GRIK1: variants seen among roughly 807,000 people sequenced by gnomAD.
GRIK1 encodes glutamate receptor ionotropic, kainate 1.
GRIK1 carries 69 observed loss-of-function variants against 105.7 expected under a neutral mutation model. The observed-to-expected ratio is 0.65, with a 90% CI of 0.54 to 0.80. GRIK1 has a LOEUF of 0.80. Ranked by LOEUF, GRIK1 falls within the 30% of genes least tolerant of loss-of-function variation. GRIK1 has a pLI of 0.00. For missense variants in GRIK1, 1,109 were observed against 1,167.3 expected, an observed-to-expected ratio of 0.95 and a Z score of 0.73; for synonymous variants, 438 against 431.3, an observed-to-expected ratio of 1.02 and a Z score of -0.19.
At chr21:29,833,745 T>C (rs1396335949) in intron 1 of GRIK1, among the ~76,000 whole-genome samples, 1 of 151,930 alleles carries the variant, frequency 6.6e-6, no homozygotes, top group Admixed American at 6.6e-5. Context: ...CCAAACCATA[T>C]CACCCCCTAC....
At chr21:29,830,232 T>C (rs1285301977) in intron 1 of GRIK1, among the ~76,000 whole-genome samples, 2 of 152,064 alleles carry the variant, frequency 1.3e-5, no homozygotes, top group African/African-American at 2.4e-5. Context: ...AGTGTCTGTG[T>C]GTCTGTGTGT....
intron 1 of GRIK1, among the ~76,000 whole-genome samples, chr21:29,791,520 T>C (rs2066417082): frequency 6.6e-6 from 1 of 151,472 alleles, no homozygotes; most frequent in Non-Finnish European, 1.5e-5. Context: ...GGGGGGGGAA[T>C]TTAAATAGTA....
intron 5 of GRIK1, 145 bp downstream of exon 5, chr21:29,654,665 A>G (rs1456710239): frequency 8.2e-6 from 5 of 606,638 alleles, no homozygotes; most frequent in African/African-American, 1.8e-5. Context: ...GCTGCTCAGC[A>G]TTGCTGGATT....
chr21:29,889,593 C>A (rs1037630969), intron 1 of GRIK1, among the ~76,000 whole-genome samples: 8 of 151,868 alleles, frequency 5.3e-5, no homozygotes, highest in African/African-American at 1.7e-4. Flanking sequence ...TGACATTGCA[C>A]CCTATAAATC....
In GRIK1 at chr21:29,717,684, G is replaced by T. The variant is rs1240734885; in HGVS notation, c.119-23621C>A. Reference sequence around the variant, plus strand: ...AACTAACTTGCTTTTGATTTCACAGGCTCATAGTTGGAAGGGACTTGCCTT... The same window carrying T: ...AACTAACTTGCTTTTGATTTCACAGTCTCATAGTTGGAAGGGACTTGCCTT... On this transcript the variant is annotated intron_variant, in intron 1 of 17. Transcript: ENST00000327783. Among the ~76,000 whole-genome samples the T allele has an allele frequency of 2.0e-5, 3 of 152,204 alleles. No homozygotes were observed. In the East Asian group the frequency reaches 5.8e-4, roughly 29 times the overall value.
At chr21:29,871,613 T>C (rs2146137032) in intron 1 of GRIK1, among the ~76,000 whole-genome samples, 1 of 152,150 alleles carries the variant, frequency 6.6e-6, no homozygotes, top group East Asian at 1.9e-4. Context: ...TCTGGTGATT[T>C]AAGGCAATGT....
chr21:29,840,836 C>A (rs930053211), intron 1 of GRIK1, among the ~76,000 whole-genome samples: 23 of 152,050 alleles, frequency 1.5e-4, no homozygotes, highest in African/African-American at 4.8e-4. Flanking sequence ...AGCAACCAAA[C>A]CCACCTACCT....
intron 1 of GRIK1, among the ~76,000 whole-genome samples, chr21:29,934,475 T>C (rs1319117538): frequency 1.3e-5 from 2 of 152,162 alleles, no homozygotes; most frequent in East Asian, 3.9e-4. Flanking sequence ...CACTGGAGTT[T>C]TCAAGTTCAT....
chr21:29,662,444 C>T (rs1159012753), intron 4 of GRIK1, among the ~76,000 whole-genome samples: 5 of 152,026 alleles, frequency 3.3e-5, no homozygotes, highest in Admixed American at 3.3e-4. Flanking sequence ...AGAGAGAATA[C>T]GGAGGAAACA....
rs138957237 is a variant in GRIK1 at position 29,917,922 on chromosome 21, A to G, written c.118+21461T>C. Among the ~76,000 whole-genome samples, 4 of 152,182 alleles carry G rather than the reference A, an allele frequency of 2.6e-5. No homozygotes were observed. The East Asian group carries it at 7.7e-4, about 29-fold the overall frequency. ...TAATTTCTGTTAAAAAATAAAATATATGATTTCTTTAAAACACACACACTT... is the reference window on the plus strand; with the variant it reads ...TAATTTCTGTTAAAAAATAAAATATGTGATTTCTTTAAAACACACACACTT... On this transcript the variant is annotated intron_variant, in intron 1 of 17. Transcript: ENST00000327783.
In GRIK1 at chr21:29,581,693, A is replaced by G; in HGVS notation, c.1794-150T>C. On this transcript the variant is annotated intron_variant, in intron 12 of 17. Coordinates refer to ENST00000327783, the MANE Select transcript of GRIK1 (RefSeq NM_001330994.2). The stretch of plus-strand genomic sequence containing the variant: ...GTAAAGGCCATAGTCATAAACTTAC[A>G]GCTTTGGTGGGCAAAGTGCAAAGAG... The G allele has an allele frequency of 1.9e-5, 11 of 575,592 alleles. No homozygotes were observed. In the South Asian group the frequency reaches 2.4e-4, roughly 12 times the overall value. 35.7% of individuals were successfully genotyped at this position (575,592 alleles called of 1,614,324 possible).
chr21:29,867,389 G>A (rs1190277440), intron 1 of GRIK1, among the ~76,000 whole-genome samples: 1 of 152,104 alleles, frequency 6.6e-6, no homozygotes, highest in Non-Finnish European at 1.5e-5. Context: ...GGCAGAAAAG[G>A]GATAGGAGGG....
At chr21:29,804,565 G>A (rs1395429387) in intron 1 of GRIK1, among the ~76,000 whole-genome samples, 3 of 152,144 alleles carry the variant, frequency 2.0e-5, no homozygotes, top group Non-Finnish European at 4.4e-5. Context: ...GTAATATCAG[G>A]ATGTTGAGGC....
intron 1 of GRIK1, among the ~76,000 whole-genome samples, chr21:29,791,509 T>TGGGG (rs554227421): frequency 2.0e-5 from 3 of 149,942 alleles, no homozygotes; most frequent in Admixed American, 6.6e-5. Context: ...AGAAGGGAAG[T>TGGGG]GGGGGGGGAA....
intron 1 of GRIK1, among the ~76,000 whole-genome samples, chr21:29,707,160 G>C (rs116189917): frequency 6.6e-6 from 1 of 152,072 alleles, no homozygotes; most frequent in Admixed American, 6.5e-5. Flanking sequence ...CACCGCGCCC[G>C]GGCTATTCCA....
At chr21:29,858,420 C>T (rs1023801970) in intron 1 of GRIK1, among the ~76,000 whole-genome samples, 13 of 152,110 alleles carry the variant, frequency 8.5e-5, no homozygotes, top group African/African-American at 2.9e-4. Context: ...CCTGGAACCT[C>T]TTAATGACAG....
intron 1 of GRIK1, among the ~76,000 whole-genome samples, chr21:29,705,423 C>T (rs887113867): frequency 6.6e-6 from 1 of 152,204 alleles, no homozygotes; most frequent in African/African-American, 2.4e-5. Flanking sequence ...GAGTGTTTAA[C>T]TCAGTATCCC....
At chr21:29,735,328 G>C (rs2064762005) in intron 1 of GRIK1, among the ~76,000 whole-genome samples, 1 of 152,160 alleles carries the variant, frequency 6.6e-6, no homozygotes. Context: ...GTGGCAAGAA[G>C]GTGTCAAGTC....
intron 1 of GRIK1, among the ~76,000 whole-genome samples, chr21:29,769,681 C>T (rs566429447): frequency 2.6e-5 from 4 of 152,068 alleles, no homozygotes; most frequent in East Asian, 1.9e-4. Context: ...GGCCATGGAC[C>T]GGTACCGGTC....
Sources: gnomAD v4.1 joint callset for allele counts (sites outside exome capture counted in the v4.1 genomes callset) on GRCh38, gnomAD v4.1.1 for gene constraint, MANE v1.5 for transcripts, NCBI Gene and HGNC (gene_info 2026-07-23, HGNC 2026-07-21) for gene names.